The following PLD5 variants were observed in gnomAD, a reference collection of about 807,000 sequenced individuals.
The protein encoded by PLD5 is phospholipase D family member 5, also known as inactive phospholipase D5.
PLD5 carries 36 observed loss-of-function variants against 61.1 expected under a neutral mutation model. The observed-to-expected ratio is 0.59, with a 90% confidence interval of 0.45 to 0.78. The LOEUF (loss-of-function observed/expected upper bound fraction) is 0.78, where lower values mean the gene tolerates loss of function less well. PLD5 is among the 30% of genes least tolerant of loss of function. The pLI is 0.00. For missense variants in PLD5, 515 were observed against 644.4 expected (o/e 0.80, Z 2.17); for synonymous variants, 243 against 242.8 (o/e 1.00, Z -0.01).
intron 3 of PLD5, among the ~76,000 whole-genome samples, chr1:242,276,201 G>A (rs1249303716): frequency 1.3e-5 from 2 of 150,942 alleles, no homozygotes; most frequent in Admixed American, 1.3e-4. Context: ...AGCTGGGCAT[G>A]GTGGCACAGA....
At chr1:242,237,557 T>A (rs990782636) in intron 4 of PLD5, among the ~76,000 whole-genome samples, 1 of 152,204 alleles carries the variant, frequency 6.6e-6, no homozygotes, top group African/African-American at 2.4e-5. Context: ...TGGTGCATGG[T>A]GGGCCACTGG....
At chr1:242,113,013 C>G (rs932100019) in intron 7 of PLD5, among the ~76,000 whole-genome samples, 5 of 150,744 alleles carry the variant, frequency 3.3e-5, no homozygotes, top group African/African-American at 1.2e-4. Flanking sequence ...CATTTTTAAA[C>G]TGTTCTCTTT....
intron 1 of PLD5, among the ~76,000 whole-genome samples, chr1:242,513,842 T>C (rs1669014786): frequency 6.6e-6 from 1 of 152,212 alleles, no homozygotes; most frequent in African/African-American, 2.4e-5. Flanking sequence ...TGGCACTCAA[T>C]AAACGTTTCC....
chr1:242,499,150 A>C (rs1240222236), intron 1 of PLD5, among the ~76,000 whole-genome samples: 20 of 152,200 alleles, frequency 1.3e-4, no homozygotes, highest in Non-Finnish European at 1.9e-4. Context: ...AAGTTTTACT[A>C]TTCCTTTAAT....
chr1:242,193,442 C>T (rs1054432920), intron 5 of PLD5, among the ~76,000 whole-genome samples: 1 of 152,124 alleles, frequency 6.6e-6, no homozygotes, highest in Non-Finnish European at 1.5e-5. Context: ...AATAAAGTCC[C>T]GTGGAGGAGG....
At chr1:242,439,177 T>C (rs1156961549) in intron 1 of PLD5, among the ~76,000 whole-genome samples, 1 of 152,220 alleles carries the variant, frequency 6.6e-6, no homozygotes, top group Non-Finnish European at 1.5e-5. Context: ...AAATGTAGAA[T>C]GGCTCAAAGA....
At chr1:242,328,509 G>A (rs1385296160) in intron 2 of PLD5, among the ~76,000 whole-genome samples, 1 of 152,012 alleles carries the variant, frequency 6.6e-6, no homozygotes, top group Admixed American at 6.6e-5. Flanking sequence ...ATATGTATGT[G>A]TTCTACATAT....
At chr1:242,205,927 C>T (rs762928206) in intron 5 of PLD5, among the ~76,000 whole-genome samples, 2 of 152,130 alleles carry the variant, frequency 1.3e-5, no homozygotes. Flanking sequence ...GCACTAGCAC[C>T]CTTTCTCCTT....
At chr1:242,155,026 T>G (rs1415196553) in intron 5 of PLD5, among the ~76,000 whole-genome samples, 1 of 152,198 alleles carries the variant, frequency 6.6e-6, no homozygotes, top group African/African-American at 2.4e-5. Flanking sequence ...TTTCAGAACT[T>G]GTTATTGATC....
At chr1:242,247,295 A>G (rs1055838342) in intron 4 of PLD5, among the ~76,000 whole-genome samples, 1 of 152,116 alleles carries the variant, frequency 6.6e-6, no homozygotes. Context: ...GGGATTCTTT[A>G]GTTGGCAATT....
At chr1:242,283,704 C>T (rs1674853377) in intron 3 of PLD5, among the ~76,000 whole-genome samples, 2 of 152,136 alleles carry the variant, frequency 1.3e-5, no homozygotes, top group South Asian at 4.2e-4. Flanking sequence ...TTTTTCCTAG[C>T]ATATTTTTGC....
At chr1:242,243,723 T>A (rs1672198569) in intron 4 of PLD5, among the ~76,000 whole-genome samples, 1 of 152,154 alleles carries the variant, frequency 6.6e-6, no homozygotes, top group African/African-American at 2.4e-5. Flanking sequence ...CAGAAGCCTC[T>A]CTGCTGCCCA....
intron 4 of PLD5, among the ~76,000 whole-genome samples, chr1:242,258,923 A>T: frequency 6.6e-6 from 1 of 152,212 alleles, no homozygotes. Context: ...ACTTGATTTC[A>T]CTTATTGCTT....
chr1:242,280,224 A>T (rs1368442734), intron 3 of PLD5, among the ~76,000 whole-genome samples: 1 of 152,230 alleles, frequency 6.6e-6, no homozygotes, highest in Non-Finnish European at 1.5e-5. Flanking sequence ...GTTCAATGTG[A>T]CCACAACTAC....
At chr1:242,142,723 TCTCTC>T (rs1558266447) in intron 5 of PLD5, among the ~76,000 whole-genome samples, 12 of 151,258 alleles carry the variant, frequency 7.9e-5, no homozygotes, top group East Asian at 2.0e-4. Context: ...TTTCTCTCTC[TCTCTC>T]TCTCTCTCTC....
chr1:242,451,389 A>G (rs1469070763), intron 1 of PLD5, among the ~76,000 whole-genome samples: 1 of 146,524 alleles, frequency 6.8e-6, no homozygotes. Flanking sequence ...GCCACTGGTT[A>G]TTTTATTGTT....
At chr1:242,528,888 C>T (rs1263074877), upstream of PLD5, among the ~76,000 whole-genome samples, 1 of 152,122 alleles carries the variant, frequency 6.6e-6, no homozygotes. Context: ...TGTAGTGTTG[C>T]CAAGTATTAC....
intron 1 of PLD5, among the ~76,000 whole-genome samples, chr1:242,419,112 A>G (rs942558800): frequency 2.0e-5 from 3 of 152,194 alleles, no homozygotes; most frequent in Admixed American, 6.5e-5. Flanking sequence ...AGGAAAAAAA[A>G]ATGATGATCT....
At chr1:242,472,049 A>G (rs1667463346) in intron 1 of PLD5, among the ~76,000 whole-genome samples, 1 of 152,126 alleles carries the variant, frequency 6.6e-6, no homozygotes, top group Non-Finnish European at 1.5e-5. Flanking sequence ...TATGTATTTC[A>G]CTTGGTGTTG....
Sources: gnomAD v4.1 joint callset for allele counts (sites outside exome capture counted in the v4.1 genomes callset) on GRCh38, gnomAD v4.1.1 for gene constraint, MANE v1.5 for transcripts, NCBI Gene and HGNC (gene_info 2026-07-23, HGNC 2026-07-21) for gene names.